VIT: variants seen among roughly 807,000 people sequenced by gnomAD.
VIT encodes the protein vitrin.
In VIT, 99 loss-of-function variants were observed where a neutral mutation model predicts 78.0. The ratio of observed to expected loss-of-function variants is 1.27; its 90% CI spans 1.08 to 1.50. The LOEUF (loss-of-function observed/expected upper bound fraction) is 1.50, where lower values mean the gene tolerates loss of function less well. Among genes scored for constraint, VIT ranks in the 40% most tolerant of loss-of-function variants. The pLI, the probability that VIT is intolerant of heterozygous loss-of-function variation, is 0.00. For synonymous variants in VIT, 374 were observed against 334.3 expected, an observed-to-expected ratio of 1.12 and a Z score of -1.29; for missense variants, 1,126 against 875.3, an observed-to-expected ratio of 1.29 and a Z score of -3.61.
chr2:36,704,945 G>T (rs1004153761), intron 1 of VIT, among the ~76,000 whole-genome samples: 1 of 152,156 alleles, frequency 6.6e-6, no homozygotes, highest in Admixed American at 6.5e-5. Flanking sequence ...AGAGTGTTCA[G>T]GCTAGTCCAG....
intron 7 of VIT, among the ~76,000 whole-genome samples, chr2:36,773,344 C>G (rs1477691620): frequency 7.1e-6 from 1 of 141,682 alleles, no homozygotes; most frequent in East Asian, 2.1e-4. Context: ...CATTTGAATT[C>G]CTCTTCCAAG....
At chr2:36,805,199 G>A (rs1181069461) in intron 13 of VIT, among the ~76,000 whole-genome samples, 1 of 151,470 alleles carries the variant, frequency 6.6e-6, no homozygotes, top group African/African-American at 2.4e-5. Flanking sequence ...TTCTACTCAG[G>A]AGGCTGAGGT....
At position 36,808,621 on chromosome 2, in the gene VIT, C is replaced by G; in HGVS notation, c.1539C>G (p.Phe513Leu). 2 of 1,614,230 alleles carry G rather than the reference C, an allele frequency of 1.2e-6. No homozygotes were observed. Among genetic ancestry groups the G allele is most frequent in the Non-Finnish European group, 8.5e-7 (1 of 1,180,040 alleles). ...GCTTGAACTCGGCTGACATTGGCTT[C>G]GTCATCGACGGCTCCAGCAGTGTGG... Reference protein sequence around the residue: ...KTCLNSADIGFVIDGSSSVGT... With the variant: ...KTCLNSADIGLVIDGSSSVGT... The change falls in exon 15 of 16, where the codon TTC becomes TTG. Residue 513 changes from phenylalanine to leucine, a missense_variant. Coordinates refer to ENST00000379242, the MANE Select transcript of VIT (RefSeq NM_053276.4).
rs1668683558 is a variant in VIT at position 36,755,055 on chromosome 2, G to A, written c.409+1G>A. 3.7e-6 allele frequency: 6 copies of A among 1,613,574 alleles called. No homozygotes were observed. Among genetic ancestry groups the A allele is most frequent in the Non-Finnish European group, 5.1e-6 (6 of 1,179,878 alleles). On this transcript the variant is annotated splice_donor_variant, in intron 5 of 15. Coordinates refer to ENST00000379242, the MANE Select transcript of VIT (RefSeq NM_053276.4). LOFTEE classifies it high-confidence loss of function. ...TGGAGAGAATCCTTTATCGTCTTAG[G>A]TATGACCACACACTGGAGAAACGCT...
intron 6 of VIT, among the ~76,000 whole-genome samples, chr2:36,765,523 C>T (rs531020867): frequency 6.1e-4 from 93 of 152,212 alleles, no homozygotes; most frequent in Non-Finnish European, 1.1e-3. Flanking sequence ...AGGGACACCG[C>T]CCCCATGATC....
chr2:36,709,603 G>A (rs1665674914), intron 1 of VIT, among the ~76,000 whole-genome samples: 2 of 152,142 alleles, frequency 1.3e-5, no homozygotes, highest in Admixed American at 6.5e-5. Flanking sequence ...TTGGTTTTAG[G>A]AAATCAGGGT....
intron 12 of VIT, among the ~76,000 whole-genome samples, chr2:36,793,528 A>G (rs765489539): frequency 6.6e-6 from 1 of 152,194 alleles, no homozygotes; most frequent in Non-Finnish European, 1.5e-5. Flanking sequence ...TTCCATCTGA[A>G]CCAGGTAATA....
At position 36,814,163 on chromosome 2, in the gene VIT, T is replaced by A. The variant is rs774562471; in HGVS notation, c.1904-20T>A. 1 of 1,611,032 alleles carries A rather than the reference T, an allele frequency of 6.2e-7. No homozygotes were observed. The highest frequency in any genetic ancestry group is 1.1e-5 in the South Asian group (1 of 90,672). ...ACCTTTACTTGGGGACATTTGTTCATCTAACCTTTGTCCCCACAGGAGTGA... is the reference window on the plus strand; with the variant it reads ...ACCTTTACTTGGGGACATTTGTTCAACTAACCTTTGTCCCCACAGGAGTGA... On this transcript the variant is annotated intron_variant, in intron 15 of 15. Transcript: ENST00000379242.
At position 36,727,123 on chromosome 2, in the gene VIT, G is replaced by T. The variant is rs1241049082; in HGVS notation, c.53-2303G>T. 2.0e-5 allele frequency among the ~76,000 whole-genome samples: 3 copies of T among 152,100 alleles called. No homozygotes were observed. The East Asian group carries it at 5.8e-4, about 29-fold the overall frequency. On this transcript the variant is annotated intron_variant, in intron 2 of 15. Transcript: ENST00000379242. The stretch of plus-strand genomic sequence containing the variant: ...TGCCTCGATGGGACACAGAACCAGG[G>T]CTGCCAGGGAACCCGGAGGGAATAC...
Position 36,716,422 on chromosome 2 carries a change from G to T in VIT, c.52G>T (p.Val18Phe), listed in dbSNP as rs1262294375. 1.2e-6 allele frequency: 2 copies of T among 1,613,384 alleles called. No homozygotes were observed. Among genetic ancestry groups the T allele is most frequent in the African/African-American group, 2.7e-5 (2 of 74,844 alleles). The change falls in exon 2 of 16, where the codon GTT (valine) becomes TTT (phenylalanine). Residue 18 changes from valine to phenylalanine, a missense_variant and splice_region_variant. Coordinates refer to ENST00000379242, the MANE Select transcript of VIT (RefSeq NM_053276.4). ...MKASVIEMFL[V>F]LLVTGVHSNK... is the part of the protein sequence containing the mutation. The stretch of plus-strand genomic sequence containing the variant: ...GGCATCTGTTATTGAAATGTTCCTT[G>T]GTAAGTACTTTTATATGTGTATCTG...
At chr2:36,730,210 C>T (rs1255438288) in intron 3 of VIT, among the ~76,000 whole-genome samples, 2 of 151,762 alleles carry the variant, frequency 1.3e-5, no homozygotes, top group African/African-American at 2.4e-5. Flanking sequence ...ATCACTTGAA[C>T]CTGGGAGATG....
At position 36,716,521 on chromosome 2, in the gene VIT, AAAC is replaced by A; in HGVS notation, c.52+102_52+104del. 3.1e-6 allele frequency: 3 copies of A among 973,920 alleles called. No homozygotes were observed. The South Asian group carries it at 4.3e-5, about 14-fold the overall frequency. 60.3% of individuals were successfully genotyped at this position (973,920 alleles called of 1,614,324 possible). ...AGTTTTAAACCAAGACAGAGCATAT[AAAC>A]AATACAGTGTATCATTTTATAAGAA... is the stretch of plus-strand genomic sequence containing the variant. On this transcript the variant is annotated intron_variant, in intron 2 of 15. Transcript: ENST00000379242.
At position 36,814,439 on chromosome 2, in the gene VIT, C is replaced by T. The variant is rs554618714; in HGVS notation, c.*78C>T. 38 of 1,505,572 alleles carry T rather than the reference C, an allele frequency of 2.5e-5. No homozygotes were observed. The highest frequency in any genetic ancestry group is 1.8e-4 in the South Asian group (15 of 81,168). The allele number at this position is 1,505,572 out of a possible 1,614,324, so 93.3% of individuals were successfully genotyped here. On this transcript the variant is annotated 3_prime_UTR_variant, in exon 16 of 16. Transcript: ENST00000379242. ...GACCACCCCACCGCTTAATGGGGCA[C>T]GCACGGTGCATCAAGTCTTGGGCAG...
At chr2:36,739,993 G>T (rs373618710) in intron 3 of VIT, among the ~76,000 whole-genome samples, 17 of 152,184 alleles carry the variant, frequency 1.1e-4, no homozygotes, top group East Asian at 9.6e-4. Context: ...GGTTAGCTGT[G>T]GGGACACAGC....
At chr2:36,726,818 CAAAAAAAAAAAAAA>C (rs758452109) in intron 2 of VIT, among the ~76,000 whole-genome samples, 1 of 111,608 alleles carries the variant, frequency 9.0e-6, no homozygotes, top group Non-Finnish European at 1.7e-5. Context: ...GACTCTGTCT[CAAAAAAAAAAAAAA>C]AAAAAAAAAA....
chr2:36,702,502 G>A (rs1861393), intron 1 of VIT, among the ~76,000 whole-genome samples: 127,383 of 152,106 alleles, frequency 0.84, 53,934 homozygotes, highest in Middle Eastern at 0.95. Flanking sequence ...CCTTAAAAAC[G>A]TAAAGATGAT....
chr2:36,737,992 C>G (rs1304061393), intron 3 of VIT, among the ~76,000 whole-genome samples: 1 of 152,110 alleles, frequency 6.6e-6, no homozygotes, highest in East Asian at 1.9e-4. Flanking sequence ...TAGACTCTAC[C>G]CTGGCAATTC....
chr2:36,790,737 A>C (rs1052217830), intron 12 of VIT, among the ~76,000 whole-genome samples: 1 of 152,250 alleles, frequency 6.6e-6, no homozygotes, highest in Non-Finnish European at 1.5e-5. Flanking sequence ...ATCTGCCAGG[A>C]AAGAGTCTGG....
intron 4 of VIT, among the ~76,000 whole-genome samples, chr2:36,745,455 T>G (rs541497831): frequency 1.3e-5 from 2 of 152,296 alleles, no homozygotes; most frequent in Admixed American, 6.5e-5. Context: ...CATGGAATAT[T>G]TTTCCATTTG....
Sources: allele counts gnomAD v4.1 joint callset (sites outside exome capture counted in the v4.1 genomes callset), GRCh38; gene constraint gnomAD v4.1.1; transcripts MANE v1.5; gene names NCBI Gene and HGNC (gene_info 2026-07-23, HGNC 2026-07-21).